The following PTPN5 variants were observed in gnomAD, a reference collection of about 807,000 sequenced individuals.
PTPN5 encodes tyrosine-protein phosphatase non-receptor type 5.
In PTPN5, 29 loss-of-function variants were observed where a neutral mutation model predicts 73.9. The observed-to-expected ratio is 0.39, with a 90% CI of 0.29 to 0.54. PTPN5 has a LOEUF of 0.54. Among genes scored for constraint, PTPN5 ranks in the 20% least tolerant of loss-of-function variants. The probability of loss-of-function intolerance (pLI) is 0.65; values close to 1 mark genes in which losing one functional copy is unlikely to be tolerated. For synonymous variants in PTPN5, 267 were observed against 304.7 expected (o/e 0.88, Z 1.29); for missense variants, 652 against 751.4 (o/e 0.87, Z 1.55).
chr11:18,781,123 T>G (rs542691666), intron 1 of PTPN5, among the ~76,000 whole-genome samples: 1 of 152,222 alleles, frequency 6.6e-6, no homozygotes, highest in South Asian at 2.1e-4. Flanking sequence ...CTTCTGAGAT[T>G]GACTCTGATC....
chr11:18,756,968 G>A (rs1172520552), intron 3 of PTPN5, among the ~76,000 whole-genome samples: 1 of 149,786 alleles, frequency 6.7e-6, no homozygotes, highest in African/African-American at 2.5e-5. Flanking sequence ...AAAAGAAACA[G>A]CACCAAGGTC....
At chr11:18,736,989 G>A (rs1849142163) in intron 9 of PTPN5, among the ~76,000 whole-genome samples, 1 of 152,164 alleles carries the variant, frequency 6.6e-6, no homozygotes, top group South Asian at 2.1e-4. Context: ...ACTACAAGTC[G>A]ATATTTTAAA....
At position 18,737,974 on chromosome 11, in the gene PTPN5, G is replaced by A. The variant is rs1290632234; in HGVS notation, c.916-10C>T. 6 of 1,612,310 alleles carry A rather than the reference G, an allele frequency of 3.7e-6. No individual in the cohort carries two copies. The highest frequency in any genetic ancestry group is 5.1e-6 in the Non-Finnish European group (6 of 1,178,304). On this transcript the variant is annotated splice_polypyrimidine_tract_variant and intron_variant, in intron 8 of 14. Coordinates refer to ENST00000358540, the MANE Select transcript of PTPN5 (RefSeq NM_006906.2). Reference sequence around the variant, plus strand: ...AGTTCATGGGGATTTCCTGTGGAAGGAGGACACGGGGTGTGAGCAGCTATG... The same window carrying A: ...AGTTCATGGGGATTTCCTGTGGAAGAAGGACACGGGGTGTGAGCAGCTATG...
chr11:18,789,948 T>TA (rs901551669), intron 1 of PTPN5, among the ~76,000 whole-genome samples: 21 of 151,800 alleles, frequency 1.4e-4, no homozygotes, highest in South Asian at 2.1e-4. Context: ...GGAAATAAAA[T>TA]AAAAAAAGGA....
In PTPN5 at chr11:18,751,989, G is replaced by A. The variant is rs184931927; in HGVS notation, c.98-7790C>T. ...GGCTCACCTGTAATCCCAGGACTTT[G>A]GGAGGCCGAGGCAGGTGGATCACAT... is the stretch of plus-strand genomic sequence containing the variant. On this transcript the variant is annotated intron_variant, in intron 3 of 14. Coordinates refer to ENST00000358540, the MANE Select transcript of PTPN5 (RefSeq NM_006906.2). Among the ~76,000 whole-genome samples, 68 of 152,302 alleles carry A rather than the reference G, an allele frequency of 4.5e-4. No homozygotes were observed. The East Asian group carries it at 0.013, about 29-fold the overall frequency.
intron 3 of PTPN5, among the ~76,000 whole-genome samples, chr11:18,757,378 C>T (rs1241532730): frequency 1.3e-5 from 2 of 152,212 alleles, no homozygotes; most frequent in Non-Finnish European, 2.9e-5. Context: ...AAATGTCCCT[C>T]ATCCTGATCT....
chr11:18,788,690 T>C (rs1314301880), intron 1 of PTPN5, among the ~76,000 whole-genome samples: 1 of 152,220 alleles, frequency 6.6e-6, no homozygotes, highest in Non-Finnish European at 1.5e-5. Context: ...GCCTCTCTTT[T>C]AGGGCAAGTC....
chr11:18,778,464 T>C (rs1011132155), intron 1 of PTPN5, among the ~76,000 whole-genome samples: 4 of 152,172 alleles, frequency 2.6e-5, no homozygotes, highest in Non-Finnish European at 1.5e-5. Flanking sequence ...CCCACCCAAA[T>C]CTCATGTTGA....
At position 18,752,028 on chromosome 11, in the gene PTPN5, C is replaced by T. The variant is rs545000172; in HGVS notation, c.98-7829G>A. 3.3e-5 allele frequency among the ~76,000 whole-genome samples: 5 copies of T among 152,234 alleles called. No individual in the cohort carries two copies. The South Asian group carries it at 6.2e-4, about 19-fold the overall frequency. On this transcript the variant is annotated intron_variant, in intron 3 of 14. Transcript: ENST00000358540. ...GGTGGATCACATGAGGACAGGAGTT[C>T]GAGACCAGCCTGGCCAATATGGTAA...
chr11:18,749,319 A>G, intron 3 of PTPN5: 1 of 504,892 alleles, frequency 2.0e-6, no homozygotes, highest in South Asian at 1.4e-5. Context: ...CCAGGCAAGA[A>G]AAATCAAGGC....
chr11:18,772,939 A>G (rs2134324714), intron 1 of PTPN5, among the ~76,000 whole-genome samples: 1 of 151,520 alleles, frequency 6.6e-6, no homozygotes, highest in Non-Finnish European at 1.5e-5. Context: ...GACGTTTGGT[A>G]CCCAGGAAGG....
intron 3 of PTPN5, among the ~76,000 whole-genome samples, chr11:18,762,145 C>A (rs1340311096): frequency 6.6e-6 from 1 of 152,078 alleles, no homozygotes; most frequent in Admixed American, 6.5e-5. Context: ...TCTGATGGGA[C>A]TGTATGACCT....
At chr11:18,743,231 T>A in intron 5 of PTPN5, 91 bp downstream of exon 5, 3 of 1,350,268 alleles carry the variant, frequency 2.2e-6, no homozygotes, top group Non-Finnish European at 3.2e-6. Flanking sequence ...TCTTCTGAAC[T>A]CAGAGAAGCC....
At chr11:18,752,177 G>A (rs1319711318) in intron 3 of PTPN5, among the ~76,000 whole-genome samples, 1 of 152,222 alleles carries the variant, frequency 6.6e-6, no homozygotes, top group Non-Finnish European at 1.5e-5. Flanking sequence ...TTTGTAGTGA[G>A]CCAGAGAGCG....
chr11:18,743,426 C>A lies in PTPN5; in HGVS notation c.295G>T (p.Ala99Ser). 1 of 1,614,086 alleles carries A rather than the reference C, an allele frequency of 6.2e-7. No individual in the cohort carries two copies. Among genetic ancestry groups the A allele is most frequent in the South Asian group, 1.1e-5 (1 of 91,068 alleles). Reference sequence around the variant, plus strand: ...CCGCTGAACCAGAGCACCCCACAGGCAAGCTGGGGCACAGGGGAGCAGGCT... The same window carrying A: ...CCGCTGAACCAGAGCACCCCACAGGAAAGCTGGGGCACAGGGGAGCAGGCT... ...CLFAASQFLLACGVLWFSGYG... is the reference protein window; with the variant it reads ...CLFAASQFLLSCGVLWFSGYG... The change falls in exon 5 of 15, where the codon GCC becomes TCC. Residue 99 changes from alanine to serine, a missense_variant. This residue lies in a region of PTPN5 where 529 missense variants were observed against 573.9 expected (regional missense o/e 0.92). Transcript: ENST00000358540.
chr11:18,788,689 T>C (rs1851779854), intron 1 of PTPN5, among the ~76,000 whole-genome samples: 1 of 152,212 alleles, frequency 6.6e-6, no homozygotes, highest in Admixed American at 6.5e-5. Flanking sequence ...CGCCTCTCTT[T>C]TAGGGCAAGT....
intron 2 of PTPN5, among the ~76,000 whole-genome samples, chr11:18,771,517 A>G (rs1053431643): frequency 2.6e-5 from 4 of 151,906 alleles, no homozygotes; most frequent in African/African-American, 9.7e-5. Context: ...CTGTGTATGC[A>G]CCTGCCTCTC....
rs770348604 is a variant in PTPN5 at position 18,728,967 on chromosome 11, G to A, written c.1665C>T (p.Tyr555=). The A allele has an allele frequency of 4.6e-5, 74 of 1,613,402 alleles. 1 individual carries two copies. Among genetic ancestry groups the A allele is most frequent in the Non-Finnish European group, 5.8e-5 (68 of 1,179,798 alleles). The change falls in exon 15 of 15, where the codon TAC becomes TAT. Residue 555 remains tyrosine, a synonymous_variant. Coordinates refer to ENST00000358540, the MANE Select transcript of PTPN5 (RefSeq NM_006906.2). This position sits in a 1 kb window ranked among gnomAD's most constrained non-coding sequence, Gnocchi z 4.1. ...YQFVHHVMSL[Y]EKQLSHQSPE ...GGGACTGGTGGGACAGCTGCTTTTC[G>A]TAGAGGCTCATGACGTGGTGCACAA...
chr11:18,731,167 A>T (rs1848856555), intron 12 of PTPN5, among the ~76,000 whole-genome samples: 1 of 141,690 alleles, frequency 7.1e-6, no homozygotes, highest in South Asian at 2.1e-4. Flanking sequence ...TTTATATTTT[A>T]TATATATTTT....
Sources: allele counts gnomAD v4.1 joint callset (sites outside exome capture counted in the v4.1 genomes callset), GRCh38; gene constraint gnomAD v4.1.1; regional missense constraint gnomAD v4.1.1; non-coding constraint Gnocchi (gnomAD v3.1); transcripts MANE v1.5; gene names NCBI Gene and HGNC (gene_info 2026-07-23, HGNC 2026-07-21).